CNTNAP2: variants seen among roughly 807,000 people sequenced by gnomAD.
CNTNAP2 encodes the protein contactin-associated protein-like 2.
CNTNAP2 carries 98 observed loss-of-function variants against 155.2 expected under a neutral mutation model. The ratio of observed to expected loss-of-function variants is 0.63; its 90% CI spans 0.54 to 0.75. The LOEUF (loss-of-function observed/expected upper bound fraction) is 0.75. Among genes scored for constraint, CNTNAP2 ranks in the 30% least tolerant of loss-of-function variants. CNTNAP2 has a pLI of 0.00. For synonymous variants in CNTNAP2, 651 were observed against 631.2 expected, an observed-to-expected ratio of 1.03 and a Z score of -0.47; for missense variants, 1,727 against 1,688.1, an observed-to-expected ratio of 1.02 and a Z score of -0.40.
At chr7:147,851,174 C>T (rs1798932146) in intron 13 of CNTNAP2, among the ~76,000 whole-genome samples, 1 of 152,094 alleles carries the variant, frequency 6.6e-6, no homozygotes, top group Non-Finnish European at 1.5e-5. Context: ...TGAAAAAATG[C>T]TCATCATCAC....
intron 1 of CNTNAP2, among the ~76,000 whole-genome samples, chr7:146,522,307 G>A (rs1797627548): frequency 6.6e-6 from 1 of 151,944 alleles, no homozygotes; most frequent in Admixed American, 6.6e-5. Flanking sequence ...TCATGCTGGA[G>A]ACAAAACTAT....
At chr7:146,326,148 C>T (rs1801093636) in intron 1 of CNTNAP2, among the ~76,000 whole-genome samples, 1 of 152,074 alleles carries the variant, frequency 6.6e-6, no homozygotes, top group African/African-American at 2.4e-5. Context: ...TTCTCAAAAT[C>T]CTATTTTACT....
At chr7:148,300,033 G>A (rs1797354965) in intron 21 of CNTNAP2, among the ~76,000 whole-genome samples, 1 of 152,192 alleles carries the variant, frequency 6.6e-6, no homozygotes, top group Non-Finnish European at 1.5e-5. Flanking sequence ...CCTTGAGAGA[G>A]TTGAACAGGG....
At chr7:146,316,231 A>G (rs6967187) in intron 1 of CNTNAP2, among the ~76,000 whole-genome samples, 2,972 of 152,212 alleles carry the variant, frequency 0.02, 117 homozygotes, top group African/African-American at 0.068. Context: ...TTACTTCATA[A>G]CATTTTTATT....
intron 16 of CNTNAP2, among the ~76,000 whole-genome samples, chr7:148,123,631 AGCAGGAAGGAAG>A (rs1428255438): frequency 2.0e-4 from 19 of 95,364 alleles, no homozygotes; most frequent in African/African-American, 7.8e-4. Flanking sequence ...AGGAAGGGAG[AGCAGGAAGGAAG>A]GAAGGAAGGA....
intron 15 of CNTNAP2, among the ~76,000 whole-genome samples, chr7:148,094,556 A>G (rs571549651): frequency 6.6e-6 from 1 of 152,214 alleles, no homozygotes; most frequent in Non-Finnish European, 1.5e-5. Flanking sequence ...GTGGTACTAG[A>G]GTCAGGGAGA....
intron 13 of CNTNAP2, among the ~76,000 whole-genome samples, chr7:147,875,229 C>A (rs1799403246): frequency 6.6e-6 from 1 of 152,154 alleles, no homozygotes; most frequent in Non-Finnish European, 1.5e-5. Flanking sequence ...ATACCCAAGA[C>A]TGGGTAATTT....
intron 9 of CNTNAP2, among the ~76,000 whole-genome samples, chr7:147,350,912 T>C (rs923633449): frequency 6.6e-6 from 1 of 151,856 alleles, no homozygotes; most frequent in South Asian, 2.1e-4. Context: ...CTATAAGTCC[T>C]TTTAACTTTA....
chr7:146,302,715 C>T (rs1412546187), intron 1 of CNTNAP2, among the ~76,000 whole-genome samples: 1 of 152,082 alleles, frequency 6.6e-6, no homozygotes, highest in Non-Finnish European at 1.5e-5. Context: ...GTGGGTCAAA[C>T]CATACAATTC....
At chr7:146,302,753 T>C (rs1310835520) in intron 1 of CNTNAP2, among the ~76,000 whole-genome samples, 1 of 152,118 alleles carries the variant, frequency 6.6e-6, no homozygotes. Context: ...AATGTAGAGC[T>C]CTTACCATCA....
rs139050723 is a variant in CNTNAP2, at chr7:148,094,240, AT to A, written c.2384-23872del. Among the ~76,000 whole-genome samples, 518 of 152,334 alleles carry A rather than the reference AT, an allele frequency of 3.4e-3. 5 individuals carry two copies. The highest frequency in any genetic ancestry group is 0.011 in the African/African-American group (467 of 41,574). On this transcript the variant is annotated intron_variant, in intron 15 of 23. Transcript: ENST00000361727. ...GCAAAGGAGAATAATGACAGCATCT[AT>A]TTTTTAATGTTTTGTGAAACATATG... is the stretch of plus-strand genomic sequence containing the variant.
chr7:146,608,878 A>C (rs1374805203), intron 1 of CNTNAP2, among the ~76,000 whole-genome samples: 1 of 152,078 alleles, frequency 6.6e-6, no homozygotes, highest in Non-Finnish European at 1.5e-5. Context: ...CATACCTCTT[A>C]CTTTCTCCTA....
chr7:146,605,523 G>T lies in CNTNAP2; in HGVS notation c.98-168748G>T, dbSNP rs142494832. Among the ~76,000 whole-genome samples, 401 of 143,870 alleles carry T rather than the reference G, an allele frequency of 2.8e-3. 21 individuals carry two copies. The highest frequency in any genetic ancestry group is 0.024 in the Admixed American group (359 of 14,784). 94.4% of individuals were successfully genotyped at this position (143,870 alleles called of 152,430 possible). On this transcript the variant is annotated intron_variant, in intron 1 of 23. Transcript: ENST00000361727. Reference sequence around the variant, plus strand: ...GTGGAGGGTCTCAGAGCCAAGTTATGTCACTAATGAACTACAGATATTCAA... The same window carrying T: ...GTGGAGGGTCTCAGAGCCAAGTTATTTCACTAATGAACTACAGATATTCAA...
intron 1 of CNTNAP2, among the ~76,000 whole-genome samples, chr7:146,612,271 G>C (rs1799151771): frequency 6.6e-6 from 1 of 152,064 alleles, no homozygotes; most frequent in Non-Finnish European, 1.5e-5. Context: ...ATACTCACAT[G>C]GACCTTTTTT....
chr7:146,810,560 G>A lies in CNTNAP2; in HGVS notation c.209-29151G>A, dbSNP rs1232897894. 2.6e-5 allele frequency among the ~76,000 whole-genome samples: 4 copies of A among 151,616 alleles called. No homozygotes were observed. In the East Asian group the frequency reaches 7.8e-4, roughly 29 times the overall value. ...AAAGGTAAAGTCTTTAGGGTTTTCT[G>A]TATATGGTATTATGTCCTCCACAGA... On this transcript the variant is annotated intron_variant, in intron 2 of 23. Transcript: ENST00000361727.
intron 1 of CNTNAP2, among the ~76,000 whole-genome samples, chr7:146,316,154 A>G (rs920575936): frequency 2.0e-5 from 3 of 152,052 alleles, no homozygotes; most frequent in African/African-American, 7.2e-5. Context: ...GTCATCTGTA[A>G]TTGTTTGTAG....
At chr7:147,125,101 C>T (rs1218986664) in intron 6 of CNTNAP2, among the ~76,000 whole-genome samples, 1 of 151,682 alleles carries the variant, frequency 6.6e-6, no homozygotes, top group African/African-American at 2.4e-5. Context: ...AGGATGGTCT[C>T]GATCTCCTGA....
At chr7:146,651,582 T>C (rs1297438388) in intron 1 of CNTNAP2, among the ~76,000 whole-genome samples, 2 of 152,284 alleles carry the variant, frequency 1.3e-5, no homozygotes, top group East Asian at 3.9e-4. Context: ...AATTTCACAT[T>C]TTATGAAGTT....
intron 14 of CNTNAP2, among the ~76,000 whole-genome samples, chr7:147,933,977 A>G (rs1048472005): frequency 3.9e-5 from 6 of 152,260 alleles, no homozygotes; most frequent in African/African-American, 1.4e-4. Flanking sequence ...CAAATACTGC[A>G]TGATTCCATT....
Sources: allele counts gnomAD v4.1 joint callset (sites outside exome capture counted in the v4.1 genomes callset), GRCh38; gene constraint gnomAD v4.1.1; transcripts MANE v1.5; gene names NCBI Gene and HGNC (gene_info 2026-07-23, HGNC 2026-07-21).